PPARGC1A: variants seen among roughly 807,000 people sequenced by gnomAD.
PPARGC1A encodes peroxisome proliferator-activated receptor gamma coactivator 1-alpha.
In PPARGC1A, 25 loss-of-function variants were observed where a neutral mutation model predicts 88.7. The observed-to-expected ratio is 0.28, with a 90% CI of 0.21 to 0.39. PPARGC1A has a LOEUF of 0.39. Ranked by LOEUF, PPARGC1A falls within the 10% of genes least tolerant of loss-of-function variation. The pLI, the probability that PPARGC1A is intolerant of heterozygous loss-of-function variation, is 1.00. For synonymous variants in PPARGC1A, 363 were observed against 355.6 expected, an observed-to-expected ratio of 1.02 and a Z score of -0.24; for missense variants, 880 against 968.7, an observed-to-expected ratio of 0.91 and a Z score of 1.22.
At chr4:24,408,960 A>G in the PPARGC1A span, among the ~76,000 whole-genome samples, 2 of 152,246 alleles carry the variant, frequency 1.3e-5, no homozygotes, top group East Asian at 3.8e-4. Context: ...AAAGATTTAT[A>G]GAAGAAATGA....
the PPARGC1A span, among the ~76,000 whole-genome samples, chr4:24,340,167 G>GAATA: frequency 1.3e-5 from 2 of 152,180 alleles, no homozygotes; most frequent in Non-Finnish European, 2.9e-5. Context: ...ATGTAGTCAT[G>GAATA]AATAGCCTTT....
At chr4:23,819,556 T>C (rs1722605177) in intron 7 of PPARGC1A, among the ~76,000 whole-genome samples, 1 of 152,162 alleles carries the variant, frequency 6.6e-6, no homozygotes, top group Non-Finnish European at 1.5e-5. Context: ...TTCAGGTGGC[T>C]ATTGCCAAAC....
At chr4:24,067,683 G>A in the PPARGC1A span, among the ~76,000 whole-genome samples, 1 of 152,194 alleles carries the variant, frequency 6.6e-6, no homozygotes, top group Non-Finnish European at 1.5e-5. Flanking sequence ...AAGACCGTCT[G>A]TCCTCCAATT....
chr4:24,459,497 A>G, the PPARGC1A span, among the ~76,000 whole-genome samples: 8 of 150,982 alleles, frequency 5.3e-5, no homozygotes, highest in African/African-American at 2.0e-4. Flanking sequence ...TCAATTAAGG[A>G]AAAAAAAACT....
intron 1 of PPARGC1A, among the ~76,000 whole-genome samples, chr4:23,896,677 C>T (rs970802879): frequency 2.0e-5 from 3 of 152,120 alleles, no homozygotes; most frequent in South Asian, 2.1e-4. Flanking sequence ...ATTGTAAAGT[C>T]AATTTTCTCT....
chr4:24,387,820 GAAAGAGAGAA>G, the PPARGC1A span, among the ~76,000 whole-genome samples: 7 of 68,024 alleles, frequency 1.0e-4, no homozygotes, highest in Middle Eastern at 0.017. Flanking sequence ...AAGAAAGAAA[GAAAGAGAGAA>G]AGAGAGAAAG....
At chr4:23,917,485 G>A in the PPARGC1A span, among the ~76,000 whole-genome samples, 133 of 151,506 alleles carry the variant, frequency 8.8e-4, no homozygotes, top group African/African-American at 3.0e-3. Context: ...CACCACGCCC[G>A]GCTAATTTTT....
At chr4:24,441,335 C>A in the PPARGC1A span, among the ~76,000 whole-genome samples, 1 of 152,194 alleles carries the variant, frequency 6.6e-6, no homozygotes, top group African/African-American at 2.4e-5. Flanking sequence ...TGTTTCTGTC[C>A]TTTCATTTCC....
chr4:24,422,418 G>A, the PPARGC1A span, among the ~76,000 whole-genome samples: 1 of 152,058 alleles, frequency 6.6e-6, no homozygotes, highest in African/African-American at 2.4e-5. Flanking sequence ...AAGCTGACAG[G>A]GGCCTCCATT....
the PPARGC1A span, among the ~76,000 whole-genome samples, chr4:24,140,579 G>T: frequency 6.6e-6 from 1 of 152,126 alleles, no homozygotes; most frequent in Admixed American, 6.6e-5. Flanking sequence ...ATTCCTAAAA[G>T]GAATGCCAGG....
At chr4:23,904,512 G>A (rs188212399), upstream of PPARGC1A, among the ~76,000 whole-genome samples, 35 of 152,022 alleles carry the variant, frequency 2.3e-4, no homozygotes, top group East Asian at 4.6e-3. Context: ...ATTAAAGAGA[G>A]TGTAGAAGAC....
At chr4:24,467,008 G>GAGAGAA in the PPARGC1A span, among the ~76,000 whole-genome samples, 3 of 128,836 alleles carry the variant, frequency 2.3e-5, no homozygotes, top group South Asian at 5.3e-4. Context: ...GAAGGAAGGG[G>GAGAGAA]AGAAAGAAAG....
At chr4:24,195,132 T>C in the PPARGC1A span, among the ~76,000 whole-genome samples, 2 of 152,184 alleles carry the variant, frequency 1.3e-5, no homozygotes, top group Non-Finnish European at 2.9e-5. Flanking sequence ...CTATGTTATA[T>C]GGAAACAGTG....
chr4:24,066,824 T>G, the PPARGC1A span, among the ~76,000 whole-genome samples: 13 of 148,782 alleles, frequency 8.7e-5, 2 homozygotes, highest in East Asian at 1.2e-3. Context: ...ATGGTTTTTT[T>G]GTTTTTGTTT....
At chr4:23,928,470 G>A in the PPARGC1A span, among the ~76,000 whole-genome samples, 1 of 152,254 alleles carries the variant, frequency 6.6e-6, no homozygotes, top group African/African-American at 2.4e-5. Context: ...TGAAGTTGTG[G>A]AGAAATAGGA....
chr4:24,465,902 A>G, the PPARGC1A span, among the ~76,000 whole-genome samples: 7 of 152,232 alleles, frequency 4.6e-5, no homozygotes, highest in Non-Finnish European at 1.0e-4. Flanking sequence ...CACAAGCGGA[A>G]AGTGACACGG....
the PPARGC1A span, among the ~76,000 whole-genome samples, chr4:24,177,870 C>T: frequency 9.2e-5 from 14 of 152,110 alleles, no homozygotes; most frequent in African/African-American, 3.1e-4. Flanking sequence ...TAGGATAGAA[C>T]TATGGAATGA....
In PPARGC1A at chr4:23,795,943, C is replaced by A. The variant is rs772803252; in HGVS notation, c.2294-18G>T. The A allele has an allele frequency of 1.9e-6, 3 of 1,579,326 alleles. No homozygotes were observed. In the Admixed American group the frequency reaches 5.1e-5, roughly 27 times the overall value. On this transcript the variant is annotated intron_variant, in intron 12 of 12. Transcript: ENST00000264867. Reference sequence around the variant, plus strand: ...GTTTGAATCTGAAAAAAAACACAAGCCAGTTTAGATACACACTTTGCTGAT... The same window carrying A: ...GTTTGAATCTGAAAAAAAACACAAGACAGTTTAGATACACACTTTGCTGAT...
At chr4:23,987,589 A>T in the PPARGC1A span, among the ~76,000 whole-genome samples, 1 of 151,438 alleles carries the variant, frequency 6.6e-6, no homozygotes, top group Non-Finnish European at 1.5e-5. Context: ...CTCCCACCCT[A>T]CCCACCATGT....
Sources: gnomAD v4.1 joint callset for allele counts (sites outside exome capture counted in the v4.1 genomes callset) on GRCh38, gnomAD v4.1.1 for gene constraint, MANE v1.5 for transcripts, NCBI Gene and HGNC (gene_info 2026-07-23, HGNC 2026-07-21) for gene names.